Variants in DHX37 observed in about 807,000 individuals in gnomAD.
DHX37 encodes the protein probable ATP-dependent RNA helicase DHX37.
A neutral mutation model predicts 134.3 loss-of-function variants in DHX37; 52 were observed. The ratio of observed to expected loss-of-function variants is 0.39; its 90% CI spans 0.31 to 0.49. The LOEUF is 0.49. DHX37 is among the 20% of genes least tolerant of loss of function. The pLI, the probability that DHX37 is intolerant of heterozygous loss-of-function variation, is 0.93. For synonymous variants in DHX37, 634 were observed against 670.7 expected (o/e 0.95, Z 0.85); for missense variants, 1,344 against 1,580.8 (o/e 0.85, Z 2.54).
intron 13 of DHX37, among the ~76,000 whole-genome samples, chr12:124,965,270 C>T (rs1954358077): frequency 6.6e-6 from 1 of 152,206 alleles, no homozygotes; most frequent in Non-Finnish European, 1.5e-5. Flanking sequence ...TGGCATGGAT[C>T]CCGGGAGCCT....
intron 9 of DHX37, 60 bp from the exon 10 acceptor site, chr12:124,968,708 G>A: frequency 1.2e-6 from 2 of 1,611,752 alleles, no homozygotes; most frequent in Admixed American, 1.7e-5. Context: ...GCCCAGGGCT[G>A]CCTTCCCTTT....
intron 1 of DHX37, among the ~76,000 whole-genome samples, chr12:124,988,696 A>G (rs1954920710): frequency 6.6e-6 from 1 of 151,986 alleles, no homozygotes. Context: ...CCATGTTACT[A>G]TTTGAGGGCG....
rs1953892031 is a variant in DHX37 at position 124,947,113 on chromosome 12, T to C, written c.*689A>G. 6.6e-6 allele frequency: 1 copy of C among 151,740 alleles called. No individual in the cohort carries two copies. 9.4% of individuals were successfully genotyped at this position (151,740 alleles called of 1,614,324 possible). A position where few individuals can be genotyped will look rare whatever the true frequency, so the allele number is the denominator to read the frequency against. The stretch of plus-strand genomic sequence containing the variant: ...TCCCCGTTCAAGGCCAACATAATAG[T>C]CGTGTGGCCCCAGCCCAGCTAGGCG... On this transcript the variant is annotated 3_prime_UTR_variant, in exon 27 of 27. Transcript: ENST00000308736.
intron 2 of DHX37, among the ~76,000 whole-genome samples, 158 bp downstream of exon 2, chr12:124,985,938 G>A (rs991238872): frequency 4.0e-5 from 6 of 151,846 alleles, no homozygotes; most frequent in Non-Finnish European, 8.8e-5. Flanking sequence ...ACAGCAATAT[G>A]TGGTTAGTGG....
At chr12:124,969,286 C>G (rs907094434) in intron 8 of DHX37, among the ~76,000 whole-genome samples, 3 of 152,228 alleles carry the variant, frequency 2.0e-5, no homozygotes, top group African/African-American at 7.2e-5. Context: ...GCCGGGGGCT[C>G]AGGGAAGAGC....
At position 124,956,721 on chromosome 12, in the gene DHX37, G is replaced by T; in HGVS notation, c.2423C>A (p.Thr808Lys). The T allele has an allele frequency of 6.3e-7, 1 of 1,591,118 alleles. No individual in the cohort carries two copies. The highest frequency in any genetic ancestry group is 8.6e-7 in the Non-Finnish European group (1 of 1,163,336). The part of the protein sequence containing the change: ...PYAITIVASM[T>K]VRELFEELDR... ...CAGCTCCTCAAACAGCTCCCGCACC[G>T]TCATGCTGGCCACGATGGTGATGGC... Residue 808 changes from threonine to lysine, a missense_variant, in exon 18 of 27, where the codon ACG (threonine) becomes AAG (lysine). Around this residue, in one of 7 missense-constraint regions of DHX37, gnomAD observed 558 missense variants for 650.0 expected, o/e 0.86. Coordinates refer to ENST00000308736, the MANE Select transcript of DHX37 (RefSeq NM_032656.4).
intron 1 of DHX37, 103 bp from the exon 2 acceptor site, chr12:124,986,368 C>T (rs749169567): frequency 8.6e-6 from 11 of 1,284,336 alleles, no homozygotes; most frequent in Non-Finnish European, 1.2e-5. Context: ...AGTCTGCACA[C>T]AGGAACAGGG....
chr12:124,969,996 G>C (rs888402197), intron 8 of DHX37, among the ~76,000 whole-genome samples: 5 of 152,072 alleles, frequency 3.3e-5, no homozygotes, highest in Non-Finnish European at 5.9e-5. Flanking sequence ...TTTTTCAGAT[G>C]AAGTCTCGCT....
intron 8 of DHX37, among the ~76,000 whole-genome samples, chr12:124,969,375 C>T (rs565360597): frequency 6.6e-6 from 1 of 152,282 alleles, no homozygotes; most frequent in East Asian, 1.9e-4. Context: ...TCAGCAATGC[C>T]TAATGGCCTC....
intron 10 of DHX37, among the ~76,000 whole-genome samples, chr12:124,968,158 G>A (rs564814816): frequency 2.0e-5 from 3 of 152,112 alleles, no homozygotes; most frequent in Non-Finnish European, 2.9e-5. Context: ...AACATGAGGT[G>A]GGTAACGGAG....
chr12:124,988,874 T>A (rs771634044), intron 1 of DHX37, 43 bp downstream of exon 1: 9 of 1,255,224 alleles, frequency 7.2e-6, no homozygotes. Context: ...CAGGCCGCCC[T>A]GGGAAATCTC....
Position 124,989,097 on chromosome 12 carries a change from C to A in DHX37, c.-75G>T. 1.0e-6 allele frequency: 1 copy of A among 1,001,980 alleles called. No individual in the cohort carries two copies. Among genetic ancestry groups the A allele is most frequent in the East Asian group, 3.3e-5 (1 of 30,694 alleles). The allele number at this position is 1,001,980 out of a possible 1,614,324, so 62.1% of individuals were successfully genotyped here. A position where few individuals can be genotyped will look rare whatever the true frequency, so the allele number is the denominator to read the frequency against. The stretch of plus-strand genomic sequence containing the variant: ...CCGAAACCCAGCCCACGTGGGTTCC[C>A]AGACCACCAACTCCGGCCGTGAGAC... On this transcript the variant is annotated 5_prime_UTR_variant, in exon 1 of 27. Coordinates refer to ENST00000308736, the MANE Select transcript of DHX37 (RefSeq NM_032656.4).
chr12:124,949,808 G>A lies in DHX37; in HGVS notation c.3290+178C>T, dbSNP rs920018323. Among the ~76,000 whole-genome samples, 1 of 152,130 alleles carries A rather than the reference G, an allele frequency of 6.6e-6. No homozygotes were observed. The highest frequency in any genetic ancestry group is 1.9e-4 in the East Asian group (1 of 5,184). On this transcript the variant is annotated intron_variant, in intron 25 of 26. Coordinates refer to ENST00000308736, the MANE Select transcript of DHX37 (RefSeq NM_032656.4). The surrounding 1 kb of genome is among the most constrained non-coding windows in gnomAD (Gnocchi z 4.0). Reference sequence around the variant, plus strand: ...CCCAGGAGGCCGACAGAGGCAAGACGGACCCTCCCCGAGAGCCGCTGCACA... The same window carrying A: ...CCCAGGAGGCCGACAGAGGCAAGACAGACCCTCCCCGAGAGCCGCTGCACA...
chr12:124,954,309 C>G lies in DHX37; in HGVS notation c.2454-98G>C, dbSNP rs560993526. ...TTATTCATCGGGACAGGCTCAGAGG[C>G]CTTGTGGGGTCACTGATGAATGTAA... On this transcript the variant is annotated intron_variant, in intron 18 of 26. Coordinates refer to ENST00000308736, the MANE Select transcript of DHX37 (RefSeq NM_032656.4). 4 of 1,479,466 alleles carry G rather than the reference C, an allele frequency of 2.7e-6. No individual in the cohort carries two copies. In the Admixed American group the frequency reaches 7.3e-5, roughly 27 times the overall value. 91.6% of individuals were successfully genotyped at this position (1,479,466 alleles called of 1,614,324 possible). A position where few individuals can be genotyped will look rare whatever the true frequency, so the allele number is the denominator to read the frequency against.
In DHX37 at chr12:124,947,071, A is replaced by C. The variant is rs28687617; in HGVS notation, c.*731T>G. 9.3e-3 allele frequency: 1,416 copies of C among 152,298 alleles called. 17 individuals are homozygous for C. The highest frequency in any genetic ancestry group is 0.032 in the African/African-American group (1,349 of 41,564). 9.4% of individuals were successfully genotyped at this position (152,298 alleles called of 1,614,324 possible). A position where few individuals can be genotyped will look rare whatever the true frequency, so the allele number is the denominator to read the frequency against. ...CAGCCACAGAGGAACAAGGGAGACA[A>C]ACTGAGGGCTCTGCAGTCCCCGTTC... On this transcript the variant is annotated 3_prime_UTR_variant, in exon 27 of 27. Transcript: ENST00000308736.
In DHX37 at chr12:124,975,332, T is replaced by A. The variant is rs1954613917; in HGVS notation, c.980+87A>T. The A allele has an allele frequency of 7.4e-6, 10 of 1,358,958 alleles. No homozygotes were observed. In the Admixed American group the frequency reaches 1.1e-4, roughly 14 times the overall value. 84.2% of individuals were successfully genotyped at this position (1,358,958 alleles called of 1,614,324 possible). A position where few individuals can be genotyped will look rare whatever the true frequency, so the allele number is the denominator to read the frequency against. On this transcript the variant is annotated intron_variant, in intron 6 of 26. Coordinates refer to ENST00000308736, the MANE Select transcript of DHX37 (RefSeq NM_032656.4). ...CTCCACCCAGCACCCTCGGCACAGA[T>A]GCTGCTCACCTCCTCCTGGGCTTCC...
intron 13 of DHX37, 54 bp downstream of exon 13, chr12:124,965,614 C>T: frequency 6.5e-7 from 1 of 1,529,680 alleles, no homozygotes; most frequent in South Asian, 1.3e-5. Context: ...GCTCTGGGCA[C>T]ATCCTCAGGG....
chr12:124,972,465 C>T (rs1954541774), intron 7 of DHX37, 38 bp downstream of exon 7: 1 of 1,608,910 alleles, frequency 6.2e-7, no homozygotes. Flanking sequence ...CCCCCATGCC[C>T]ACTGGCCTTG....
rs1456624840 is a variant in DHX37 at position 124,965,720 on chromosome 12, C to T, written c.1683G>A (p.Gly561=). 1 of 1,613,946 alleles carries T rather than the reference C, an allele frequency of 6.2e-7. No homozygotes were observed. Among genetic ancestry groups the T allele is most frequent in the South Asian group, 1.1e-5 (1 of 91,004 alleles). ...DREAEVDEEE[G]ALDSDLDLDL... ...CCAGATCGAGGTCGGAGTCCAGGGC[C>T]CCCTCTTCCTCATCCACTTCTGCCT... is the stretch of plus-strand genomic sequence containing the variant. Residue 561 remains glycine, a synonymous_variant, in exon 13 of 27, where the codon GGG becomes GGA. Coordinates refer to ENST00000308736, the MANE Select transcript of DHX37 (RefSeq NM_032656.4).
Sources: allele counts gnomAD v4.1 joint callset (sites outside exome capture counted in the v4.1 genomes callset), GRCh38; gene constraint gnomAD v4.1.1; regional missense constraint gnomAD v4.1.1; non-coding constraint Gnocchi (gnomAD v3.1); transcripts MANE v1.5; gene names NCBI Gene and HGNC (gene_info 2026-07-23, HGNC 2026-07-21).